GAS2: variants seen among roughly 807,000 people sequenced by gnomAD.
GAS2 encodes growth arrest specific 2.
Under a neutral mutation model 37.5 loss-of-function variants are expected in GAS2, and 20 were observed. The observed-to-expected ratio is 0.53, with a 90% CI of 0.37 to 0.77. GAS2 has a LOEUF of 0.77. Ranked by LOEUF, GAS2 falls within the 30% of genes least tolerant of loss-of-function variation. GAS2 has a pLI of 0.00. For synonymous variants in GAS2, 144 were observed against 132.2 expected, an observed-to-expected ratio of 1.09 and a Z score of -0.61; for missense variants, 336 against 373.4, an observed-to-expected ratio of 0.90 and a Z score of 0.82.
At chr11:22,689,139 C>A (rs181864255) in intron 3 of GAS2, among the ~76,000 whole-genome samples, 1 of 151,996 alleles carries the variant, frequency 6.6e-6, no homozygotes, top group South Asian at 2.1e-4. Context: ...GCAGGAAGGG[C>A]GGCAAGAGGG....
At chr11:22,767,498 A>G (rs1055351941) in intron 7 of GAS2, among the ~76,000 whole-genome samples, 4 of 152,034 alleles carry the variant, frequency 2.6e-5, no homozygotes, top group African/African-American at 9.7e-5. Flanking sequence ...CTTTCTGTAG[A>G]CATCCTGACA....
intron 7 of GAS2, among the ~76,000 whole-genome samples, chr11:22,770,511 C>T (rs1472998045): frequency 6.6e-6 from 1 of 152,112 alleles, no homozygotes; most frequent in East Asian, 1.9e-4. Context: ...TTCTCTAGGA[C>T]TTTATTACAC....
chr11:22,743,991 C>T (rs1407177438), intron 5 of GAS2, among the ~76,000 whole-genome samples: 1 of 152,000 alleles, frequency 6.6e-6, no homozygotes, highest in Non-Finnish European at 1.5e-5. Flanking sequence ...TACAAAAGAT[C>T]CTCAGAGACT....
intron 7 of GAS2, among the ~76,000 whole-genome samples, chr11:22,803,276 C>T (rs999765385): frequency 6.6e-6 from 1 of 152,144 alleles, no homozygotes; most frequent in African/African-American, 2.4e-5. Context: ...CGTGTTACCT[C>T]ACTAGACACG....
intron 5 of GAS2, 31 bp from the exon 6 acceptor site, chr11:22,749,089 G>A (rs1853576350): frequency 1.9e-6 from 3 of 1,580,040 alleles, no homozygotes; most frequent in African/African-American, 2.7e-5. Context: ...TATAAGTTAT[G>A]CATATGTAAT....
intron 4 of GAS2, chr11:22,731,441 G>C (rs139593576): frequency 1.0e-3 from 352 of 352,828 alleles, no homozygotes; most frequent in African/African-American, 6.7e-3. Context: ...TGATTTGTTT[G>C]AGTATAACTT....
intron 2 of GAS2, among the ~76,000 whole-genome samples, chr11:22,679,094 A>G (rs1460420086): frequency 6.6e-6 from 1 of 152,048 alleles, no homozygotes; most frequent in Non-Finnish European, 1.5e-5. Flanking sequence ...GAACATTATC[A>G]TGTAATATTC....
chr11:22,730,989 C>G (rs1852445377), intron 4 of GAS2, among the ~76,000 whole-genome samples: 1 of 151,684 alleles, frequency 6.6e-6, no homozygotes, highest in Non-Finnish European at 1.5e-5. Flanking sequence ...GATCAGAAAT[C>G]TATACTTTGT....
At chr11:22,738,144 T>C (rs1015328879) in intron 5 of GAS2, among the ~76,000 whole-genome samples, 4 of 152,182 alleles carry the variant, frequency 2.6e-5, no homozygotes, top group African/African-American at 7.2e-5. Context: ...CCTTTTTACT[T>C]TTTAATAATT....
intron 3 of GAS2, among the ~76,000 whole-genome samples, chr11:22,713,359 T>C (rs1166273576): frequency 6.6e-6 from 1 of 151,790 alleles, no homozygotes; most frequent in Non-Finnish European, 1.5e-5. Context: ...TTTGGGATTA[T>C]GTTAAATGAC....
chr11:22,781,401 A>G (rs1346309181), intron 7 of GAS2, among the ~76,000 whole-genome samples: 19 of 152,180 alleles, frequency 1.2e-4, no homozygotes, highest in Non-Finnish European at 1.5e-5. Flanking sequence ...TCTGCTACTG[A>G]AGCAGGTCAT....
At chr11:22,711,752 A>T (rs767763250) in intron 3 of GAS2, among the ~76,000 whole-genome samples, 2 of 152,040 alleles carry the variant, frequency 1.3e-5, no homozygotes, top group Admixed American at 6.6e-5. Flanking sequence ...TTCCCTGGTG[A>T]CCTGTACAAT....
intron 3 of GAS2, among the ~76,000 whole-genome samples, chr11:22,699,285 T>A (rs1850703789): frequency 6.6e-6 from 1 of 152,198 alleles, no homozygotes; most frequent in Non-Finnish European, 1.5e-5. Flanking sequence ...AAGTCTTTAC[T>A]GTACCCCTTC....
chr11:22,703,593 T>A (rs1850953948), intron 3 of GAS2, among the ~76,000 whole-genome samples: 2 of 152,154 alleles, frequency 1.3e-5, no homozygotes, highest in Admixed American at 1.3e-4. Context: ...TTTAAAAATG[T>A]CTGAGAATTG....
At chr11:22,646,155 T>C (rs1453450545) in intron 1 of GAS2, among the ~76,000 whole-genome samples, 1 of 152,172 alleles carries the variant, frequency 6.6e-6, no homozygotes, top group Non-Finnish European at 1.5e-5. Context: ...CAATTTGGTT[T>C]TCCTGTCTTC....
chr11:22,691,777 T>C (rs1850256184), intron 3 of GAS2, among the ~76,000 whole-genome samples: 1 of 152,162 alleles, frequency 6.6e-6, no homozygotes, highest in Non-Finnish European at 1.5e-5. Flanking sequence ...ATTTGTAAAA[T>C]ATAGGTAAAA....
intron 3 of GAS2, among the ~76,000 whole-genome samples, chr11:22,700,350 C>T (rs1300347653): frequency 6.6e-6 from 1 of 152,060 alleles, no homozygotes; most frequent in African/African-American, 2.4e-5. Flanking sequence ...ACTTTATTCT[C>T]ATTAAGTTTG....
intron 3 of GAS2, among the ~76,000 whole-genome samples, chr11:22,686,553 TAAAAAAAAAAAAAAAAAAAAA>T (rs576718774): frequency 0.027 from 1,273 of 47,084 alleles, 62 homozygotes; most frequent in Middle Eastern, 0.045. Context: ...CCGTCTCTAC[TAAAAAAAAAAAAAAAAAAAAA>T]AAAAAAAAAA....
chr11:22,740,107 G>A (rs967814672), intron 5 of GAS2, among the ~76,000 whole-genome samples: 9 of 152,108 alleles, frequency 5.9e-5, no homozygotes, highest in African/African-American at 1.2e-4. Context: ...CTCCAGCTCC[G>A]AGTCTGGCAT....
Sources: allele counts gnomAD v4.1 joint callset (sites outside exome capture counted in the v4.1 genomes callset), GRCh38; gene constraint gnomAD v4.1.1; transcripts MANE v1.5; gene names NCBI Gene and HGNC (gene_info 2026-07-23, HGNC 2026-07-21).